The following JAKMIP2 variants were observed in gnomAD, a reference collection of about 807,000 sequenced individuals.
The protein encoded by JAKMIP2 is janus kinase and microtubule interacting protein 2.
Under a neutral mutation model 115.0 loss-of-function variants are expected in JAKMIP2, and 25 were observed. That is an observed-to-expected ratio of 0.22 (90% confidence interval 0.16 to 0.30). JAKMIP2 has a LOEUF of 0.30. Ranked by LOEUF, JAKMIP2 falls within the 10% of genes least tolerant of loss-of-function variation. The pLI is 1.00. For synonymous variants in JAKMIP2, 334 were observed against 343.6 expected, an observed-to-expected ratio of 0.97 and a Z score of 0.31; for missense variants, 642 against 957.6, an observed-to-expected ratio of 0.67 and a Z score of 4.35.
chr5:147,721,571 G>A (rs907770386), intron 1 of JAKMIP2, among the ~76,000 whole-genome samples: 9 of 152,118 alleles, frequency 5.9e-5, no homozygotes, highest in South Asian at 4.2e-4. Flanking sequence ...TTTTAAGCCC[G>A]TCGGAAAAGC....
At chr5:147,656,860 A>C (rs1758701835) in intron 3 of JAKMIP2, among the ~76,000 whole-genome samples, 1 of 152,086 alleles carries the variant, frequency 6.6e-6, no homozygotes, top group Admixed American at 6.5e-5. Flanking sequence ...TTCCTTCAGG[A>C]GCTCTTGCAA....
intron 1 of JAKMIP2, among the ~76,000 whole-genome samples, chr5:147,781,013 G>A (rs574866573): frequency 6.6e-6 from 1 of 152,026 alleles, no homozygotes; most frequent in Non-Finnish European, 1.5e-5. Flanking sequence ...CTCATCTCAC[G>A]CATCTTTAGT....
At position 147,702,611 on chromosome 5, in the gene JAKMIP2, A is replaced by AGAAG. The variant is rs1381502567; in HGVS notation, c.-148-30658_-148-30657insCTTC. 4.0e-3 allele frequency among the ~76,000 whole-genome samples: 135 copies of AGAAG among 33,354 alleles called. 1 individual carries two copies. Among genetic ancestry groups the AGAAG allele is most frequent in the African/African-American group, 0.012 (125 of 10,404 alleles). 21.9% of individuals were successfully genotyped at this position (33,354 alleles called of 152,430 possible). A position where few individuals can be genotyped will look rare whatever the true frequency, so the allele number is the denominator to read the frequency against. ...AAGAAAGAAAGAAAGAAGGAAAGAA[A>AGAAG]GAAAGAAAGAAAGAAAGAAAGAAAG... On this transcript the variant is annotated intron_variant, in intron 1 of 21. Coordinates refer to ENST00000616793, the MANE Select transcript of JAKMIP2 (RefSeq NM_001270941.2).
chr5:147,680,445 T>A lies in JAKMIP2; in HGVS notation c.-148-8491A>T, dbSNP rs553325819. Among the ~76,000 whole-genome samples, 7 of 152,324 alleles carry A rather than the reference T, an allele frequency of 4.6e-5. No individual in the cohort carries two copies. The South Asian group carries it at 1.4e-3, about 32-fold the overall frequency. On this transcript the variant is annotated intron_variant, in intron 1 of 21. Transcript: ENST00000616793. ...ATTATTAATCTCAAGGTTTCCAATA[T>A]GGCTGTTGCCACTGCAATGTGATGT...
chr5:147,642,848 G>T (rs1728474804), intron 7 of JAKMIP2, among the ~76,000 whole-genome samples: 1 of 152,138 alleles, frequency 6.6e-6, no homozygotes, highest in South Asian at 2.1e-4. Context: ...TCAGTGGACT[G>T]GGAAAGGTAG....
chr5:147,723,693 TTGTC>T (rs1753405311), intron 1 of JAKMIP2, among the ~76,000 whole-genome samples: 3 of 152,182 alleles, frequency 2.0e-5, no homozygotes, highest in Admixed American at 2.0e-4. Flanking sequence ...AGCTCTGCCT[TTGTC>T]TCATTTACTA....
At position 147,612,409 on chromosome 5, in the gene JAKMIP2, G is replaced by A. The variant is rs376844002; in HGVS notation, c.2347-38C>T. 26 of 1,227,522 alleles carry A rather than the reference G, an allele frequency of 2.1e-5. No individual in the cohort carries two copies. In the African/African-American group the frequency reaches 2.4e-4, roughly 11 times the overall value. The allele number at this position is 1,227,522 out of a possible 1,614,324, so 76.0% of individuals were successfully genotyped here. A position where few individuals can be genotyped will look rare whatever the true frequency, so the allele number is the denominator to read the frequency against. ...AAGAAAAGAAAGAAAGCATCAGTAG[G>A]TGGTAAGTTGTGCGGAAAAATAATT... is the stretch of plus-strand genomic sequence containing the variant. On this transcript the variant is annotated intron_variant, in intron 19 of 21. Coordinates refer to ENST00000616793, the MANE Select transcript of JAKMIP2 (RefSeq NM_001270941.2).
chr5:147,682,050 A>AGAAAG (rs1554079293), intron 1 of JAKMIP2, among the ~76,000 whole-genome samples: 1 of 148,938 alleles, frequency 6.7e-6, no homozygotes, highest in Non-Finnish European at 1.5e-5. Flanking sequence ...AAAAAAAAAA[A>AGAAAG]AAAGAAAGAA....
At position 147,644,927 on chromosome 5, in the gene JAKMIP2, T is replaced by C; in HGVS notation, c.1006A>G (p.Arg336Gly). Residue 336 changes from arginine (R) to glycine (G), a missense_variant, in exon 6 of 22, where the codon AGA becomes GGA. Arg to Gly is a moderately radical substitution (Grantham distance 125). This residue lies in a region of JAKMIP2 where 439 missense variants were observed against 570.9 expected (regional missense o/e 0.77). Transcript: ENST00000616793. ...AAGGACACCATCAGTTCATCGTTTCTCTTGGCGAGGCACTTGTTCCTTTCC... is the reference window on the plus strand; with the variant it reads ...AAGGACACCATCAGTTCATCGTTTCCCTTGGCGAGGCACTTGTTCCTTTCC... Reference protein sequence around the residue: ...LLERNKCLAKRNDELMVSLQR... With the variant: ...LLERNKCLAKGNDELMVSLQR... The C allele has an allele frequency of 6.2e-7, 1 of 1,613,930 alleles. No homozygotes were observed. The highest frequency in any genetic ancestry group is 8.5e-7 in the Non-Finnish European group (1 of 1,179,870).
intron 1 of JAKMIP2, among the ~76,000 whole-genome samples, chr5:147,764,973 A>G (rs1755093993): frequency 3.0e-5 from 3 of 99,030 alleles, no homozygotes; most frequent in Non-Finnish European, 4.4e-5. Context: ...AGAGGGGGAG[A>G]GAGAGAGAGA....
At position 147,591,680 on chromosome 5, in the gene JAKMIP2, G is replaced by T. The variant is rs763256629; in HGVS notation, c.*27C>A. 2 of 1,590,336 alleles carry T rather than the reference G, an allele frequency of 1.3e-6. No homozygotes were observed. The highest frequency in any genetic ancestry group is 2.3e-5 in the South Asian group (2 of 87,820). ...TTCCTGGGATCTTATCCATGTTTTC[G>T]GTTACTCTGCAAAACAGAGGAAAAA... On this transcript the variant is annotated 3_prime_UTR_variant, in exon 22 of 22. Coordinates refer to ENST00000616793, the MANE Select transcript of JAKMIP2 (RefSeq NM_001270941.2).
chr5:147,721,377 C>A (rs969881137), intron 1 of JAKMIP2, among the ~76,000 whole-genome samples: 1 of 152,234 alleles, frequency 6.6e-6, no homozygotes, highest in Non-Finnish European at 1.5e-5. Flanking sequence ...TGGGCTCCGC[C>A]CAGTTGGAGC....
intron 1 of JAKMIP2, among the ~76,000 whole-genome samples, chr5:147,769,560 A>G (rs894071887): frequency 6.6e-6 from 1 of 152,142 alleles, no homozygotes; most frequent in Non-Finnish European, 1.5e-5. Context: ...ACTATAGACT[A>G]ATGAAAATAG....
At position 147,770,245 on chromosome 5, in the gene JAKMIP2, C is replaced by T. The variant is rs1045347044; in HGVS notation, c.-149+12211G>A. Among the ~76,000 whole-genome samples the T allele has an allele frequency of 3.9e-5, 6 of 152,134 alleles. No homozygotes were observed. The East Asian group carries it at 1.2e-3, about 29-fold the overall frequency. ...CACATTTGGGATAGGTCACAATTAA[C>T]TTATCATATATATGTGATCCATATA... On this transcript the variant is annotated intron_variant, in intron 1 of 21. Coordinates refer to ENST00000616793, the MANE Select transcript of JAKMIP2 (RefSeq NM_001270941.2).
intron 20 of JAKMIP2, among the ~76,000 whole-genome samples, chr5:147,608,149 A>G (rs1288738424): frequency 6.6e-6 from 1 of 152,076 alleles, no homozygotes; most frequent in Non-Finnish European, 1.5e-5. Context: ...GATTTTTTGA[A>G]GGGTTTTTCG....
rs1473815747 is a variant in JAKMIP2 at position 147,586,833 on chromosome 5, T to C, written c.*4874A>G. 6.8e-6 allele frequency: 1 copy of C among 148,112 alleles called. No individual in the cohort carries two copies. The highest frequency in any genetic ancestry group is 2.5e-5 in the African/African-American group (1 of 40,212). The allele number at this position is 148,112 out of a possible 1,614,324, so 9.2% of individuals were successfully genotyped here. A position where few individuals can be genotyped will look rare whatever the true frequency, so the allele number is the denominator to read the frequency against. On this transcript the variant is annotated 3_prime_UTR_variant, in exon 22 of 22. Coordinates refer to ENST00000616793, the MANE Select transcript of JAKMIP2 (RefSeq NM_001270941.2). ...TTATGAAACTCCTGGGCCCAAGCTA[T>C]CCTGCCACCTTAGCCTTCTGAGTAG... is the stretch of plus-strand genomic sequence containing the variant.
chr5:147,742,457 T>C (rs6895278), intron 1 of JAKMIP2, among the ~76,000 whole-genome samples: 107,567 of 151,832 alleles, frequency 0.71, 38,559 homozygotes, highest in African/African-American at 0.81. Context: ...GCATTTACTA[T>C]GTGCCAGGTC....
At chr5:147,687,992 A>G (rs1690722976) in intron 1 of JAKMIP2, among the ~76,000 whole-genome samples, 1 of 152,220 alleles carries the variant, frequency 6.6e-6, no homozygotes, top group Admixed American at 6.5e-5. Context: ...GTCTGACAAA[A>G]TTTAAAATCA....
chr5:147,652,359 T>C (rs1427405544), intron 3 of JAKMIP2, among the ~76,000 whole-genome samples: 1 of 152,166 alleles, frequency 6.6e-6, no homozygotes, highest in African/African-American at 2.4e-5. Context: ...TGGTTTCCTG[T>C]GGGATATATA....
Sources: gnomAD v4.1 joint callset for allele counts (sites outside exome capture counted in the v4.1 genomes callset) on GRCh38, gnomAD v4.1.1 for gene constraint, gnomAD v4.1.1 regional missense constraint, MANE v1.5 for transcripts, NCBI Gene and HGNC (gene_info 2026-07-23, HGNC 2026-07-21) for gene names.